The following SLMAP variants were observed in gnomAD, a reference collection of about 807,000 sequenced individuals.
SLMAP encodes the protein sarcolemmal membrane-associated protein.
SLMAP carries 44 observed loss-of-function variants against 128.8 expected under a neutral mutation model. That is an observed-to-expected ratio of 0.34 (90% CI 0.27 to 0.44). The LOEUF (loss-of-function observed/expected upper bound fraction) is 0.44. Ranked by LOEUF, SLMAP falls within the 20% of genes least tolerant of loss-of-function variation. The pLI is 1.00. For synonymous variants in SLMAP, 327 were observed against 348.8 expected (o/e 0.94, Z 0.70); for missense variants, 787 against 985.3 (o/e 0.80, Z 2.69).
rs1302948213 is a variant in SLMAP at position 57,857,641 on chromosome 3, T to C, written c.520-92T>C. 2.1e-5 allele frequency: 18 copies of C among 855,776 alleles called. No homozygotes were observed. In the East Asian group the frequency reaches 4.4e-4, roughly 21 times the overall value. 53.0% of individuals were successfully genotyped at this position (855,776 alleles called of 1,614,324 possible). On this transcript the variant is annotated intron_variant, in intron 6 of 24. Coordinates refer to ENST00000671191, the MANE Select transcript of SLMAP (RefSeq NM_001377540.1). ...AAAATACATCAAGTGGGATGTAATATGAAAATATTTTAGAATATGCTGAAA... is the reference window on the plus strand; with the variant it reads ...AAAATACATCAAGTGGGATGTAATACGAAAATATTTTAGAATATGCTGAAA...
intron 3 of SLMAP, among the ~76,000 whole-genome samples, chr3:57,837,933 C>T (rs897520447): frequency 2.0e-5 from 3 of 152,110 alleles, no homozygotes; most frequent in Non-Finnish European, 2.9e-5. Flanking sequence ...CTTAGTCAGA[C>T]GTGGGTTATT....
At chr3:57,875,376 A>C (rs897720037) in intron 14 of SLMAP, among the ~76,000 whole-genome samples, 1 of 152,076 alleles carries the variant, frequency 6.6e-6, no homozygotes, top group Non-Finnish European at 1.5e-5. Flanking sequence ...TTAGCTGGCC[A>C]TGGTGATAAC....
chr3:57,898,286 G>A (rs766340773), intron 17 of SLMAP: 12 of 152,134 alleles, frequency 7.9e-5, no homozygotes, highest in African/African-American at 2.7e-4. Flanking sequence ...CCATTATTGT[G>A]TAAAATGTAG....
At chr3:57,886,688 G>C (rs1337162368) in intron 14 of SLMAP, among the ~76,000 whole-genome samples, 1 of 145,070 alleles carries the variant, frequency 6.9e-6, no homozygotes, top group Non-Finnish European at 1.5e-5. Flanking sequence ...GGGAGAGAGA[G>C]AATGGAATAA....
intron 17 of SLMAP, among the ~76,000 whole-genome samples, chr3:57,905,110 A>G (rs1389089911): frequency 1.3e-5 from 2 of 152,230 alleles, no homozygotes; most frequent in South Asian, 2.1e-4. Context: ...TGGTGTCCTC[A>G]TGGCTACTGG....
intron 2 of SLMAP, among the ~76,000 whole-genome samples, chr3:57,778,190 A>G (rs1246804326): frequency 3.3e-5 from 5 of 151,916 alleles, no homozygotes; most frequent in African/African-American, 7.3e-5. Context: ...CTAGTCATCT[A>G]TTTTTTCTTG....
chr3:57,785,709 A>G (rs1364525249), intron 2 of SLMAP, among the ~76,000 whole-genome samples: 1 of 152,180 alleles, frequency 6.6e-6, no homozygotes, highest in Non-Finnish European at 1.5e-5. Flanking sequence ...TTGGTTAACA[A>G]GTGAATACCA....
chr3:57,886,834 C>A (rs913562044), intron 14 of SLMAP, among the ~76,000 whole-genome samples: 1 of 151,674 alleles, frequency 6.6e-6, no homozygotes. Context: ...CACAGAATGT[C>A]ATGTGTTATA....
chr3:57,778,206 ACTTT>A (rs2082299435), intron 2 of SLMAP, among the ~76,000 whole-genome samples: 1 of 152,080 alleles, frequency 6.6e-6, no homozygotes, highest in Non-Finnish European at 1.5e-5. Flanking sequence ...TCTTGAGTTA[ACTTT>A]GATATTTTGT....
At chr3:57,779,508 C>CAA (rs75146875) in intron 2 of SLMAP, among the ~76,000 whole-genome samples, 9 of 79,760 alleles carry the variant, frequency 1.1e-4, no homozygotes, top group South Asian at 4.5e-4. Flanking sequence ...GACCCTGTTT[C>CAA]AAAAAAAAAA....
intron 2 of SLMAP, among the ~76,000 whole-genome samples, chr3:57,808,243 G>A (rs554148687): frequency 7.3e-5 from 11 of 151,702 alleles, no homozygotes; most frequent in African/African-American, 2.7e-4. Flanking sequence ...AGGGTTTTTT[G>A]TGTCTGTATC....
intron 10 of SLMAP, 64 bp downstream of exon 10, chr3:57,862,150 A>C: frequency 7.4e-7 from 1 of 1,347,916 alleles, no homozygotes; most frequent in Non-Finnish European, 1.0e-6. Context: ...AGATAGCTTA[A>C]GATTTTAGGT....
chr3:57,912,691 A>G lies in SLMAP; in HGVS notation c.2010A>G (p.Thr670=). Residue 670 remains threonine (T), a synonymous_variant, in exon 20 of 25, where the codon ACA becomes ACG. Coordinates refer to ENST00000671191, the MANE Select transcript of SLMAP (RefSeq NM_001377540.1). ...QCEDQQREEA[T]RLQGELEKLR... Reference sequence around the variant, plus strand: ...AGGACCAGCAGAGAGAAGAAGCAACAAGGTTGCAAGGTGAATAAATGTATT... The same window carrying G: ...AGGACCAGCAGAGAGAAGAAGCAACGAGGTTGCAAGGTGAATAAATGTATT... 1 of 1,606,538 alleles carries G rather than the reference A, an allele frequency of 6.2e-7. No homozygotes were observed. Among genetic ancestry groups the G allele is most frequent in the Non-Finnish European group, 8.5e-7 (1 of 1,174,262 alleles).
intron 2 of SLMAP, among the ~76,000 whole-genome samples, chr3:57,761,020 C>T (rs2078522615): frequency 6.6e-6 from 1 of 151,632 alleles, no homozygotes; most frequent in African/African-American, 2.4e-5. Flanking sequence ...AGCCACCGCG[C>T]CCGGCCAGGT....
intron 6 of SLMAP, among the ~76,000 whole-genome samples, chr3:57,856,608 A>C (rs2094803331): frequency 6.6e-6 from 1 of 152,176 alleles, no homozygotes; most frequent in Admixed American, 6.5e-5. Flanking sequence ...CTGTGATAAC[A>C]GTGCCTTCTT....
At chr3:57,862,158 G>C in intron 10 of SLMAP, 72 bp downstream of exon 10, 2 of 1,296,300 alleles carry the variant, frequency 1.5e-6, no homozygotes. Flanking sequence ...TAAGATTTTA[G>C]GTATTGCTTT....
chr3:57,902,918 C>T (rs1039990939), intron 17 of SLMAP, among the ~76,000 whole-genome samples: 1 of 151,986 alleles, frequency 6.6e-6, no homozygotes, highest in African/African-American at 2.4e-5. Context: ...ATACGGTCAC[C>T]CTAGGAACTG....
chr3:57,835,634 G>T (rs2093605172), intron 3 of SLMAP, among the ~76,000 whole-genome samples: 1 of 151,738 alleles, frequency 6.6e-6, no homozygotes, highest in African/African-American at 2.4e-5. Context: ...TACTGAAAAG[G>T]CATTTGATCA....
intron 17 of SLMAP, chr3:57,899,903 T>C (rs1173672979): frequency 2.6e-5 from 4 of 152,222 alleles, no homozygotes; most frequent in Non-Finnish European, 4.4e-5. Flanking sequence ...TTATTATTTT[T>C]CTTTTGTAAA....
Sources: allele counts gnomAD v4.1 joint callset (sites outside exome capture counted in the v4.1 genomes callset), GRCh38; gene constraint gnomAD v4.1.1; transcripts MANE v1.5; gene names NCBI Gene and HGNC (gene_info 2026-07-23, HGNC 2026-07-21).